CABP4: variants seen among roughly 807,000 people sequenced by gnomAD.
CABP4 encodes calcium-binding protein 4.
Under a neutral mutation model 30.7 loss-of-function variants are expected in CABP4, and 30 were observed. The ratio of observed to expected loss-of-function variants is 0.98; its 90% confidence interval spans 0.73 to 1.33. The LOEUF (loss-of-function observed/expected upper bound fraction) is 1.33, where lower values mean the gene tolerates loss of function less well. Among genes scored for constraint, CABP4 ranks in the 40% most tolerant of loss-of-function variants. The pLI is 0.00. For missense variants in CABP4, 424 were observed against 395.5 expected (o/e 1.07, Z -0.61); for synonymous variants, 161 against 159.2 (o/e 1.01, Z -0.08).
upstream of CABP4, chr11:67,452,712 T>A: frequency 6.4e-7 from 1 of 1,571,260 alleles, no homozygotes; most frequent in Non-Finnish European, 8.7e-7. Flanking sequence ...TCAGCTTCCA[T>A]GGTAGTGTCC....
rs754530364 is a variant in CABP4 at position 67,455,693 on chromosome 11, G to A, written c.270G>A (p.Pro90=). Residue 90 remains proline, a synonymous_variant, in exon 1 of 6, where the codon CCG becomes CCA. Transcript: ENST00000325656. ...GCGCACCCCCTGCATCCCCTGGGCC[G>A]GCCTCTTCTCGCCAGTCCCACCGAC... ...PAGAPPASPG[P]ASSRQSHRHR... is the part of the protein sequence containing the mutation. 22 of 1,607,874 alleles carry A rather than the reference G, an allele frequency of 1.4e-5. 1 individual carries two copies. Among genetic ancestry groups the A allele is most frequent in the Middle Eastern group, 1.6e-4 (1 of 6,074 alleles).
At chr11:67,455,296 T>C, upstream of CABP4, 1 of 1,332,374 alleles carries the variant, frequency 7.5e-7, no homozygotes, top group South Asian at 1.5e-5. Flanking sequence ...TCACTTACCC[T>C]AATCCCCCTC....
At chr11:67,453,935 G>A (rs1335454810), upstream of CABP4, among the ~76,000 whole-genome samples, 2 of 152,092 alleles carry the variant, frequency 1.3e-5, no homozygotes, top group African/African-American at 2.4e-5. Flanking sequence ...CCCCTCCAGC[G>A]AGTGTCACTC....
chr11:67,454,853 C>T (rs1864701281), upstream of CABP4, among the ~76,000 whole-genome samples: 1 of 152,220 alleles, frequency 6.6e-6, no homozygotes, highest in Non-Finnish European at 1.5e-5. Context: ...TTCGAGGCAT[C>T]TGTGATCTGG....
In CABP4 at chr11:67,460,509, T is replaced by TTATA. The variant is rs1554998699; in HGVS notation, c.*1855_*1858dup. On this transcript the variant is annotated 3_prime_UTR_variant, in exon 6 of 6. Transcript: ENST00000325656. ...TTCTGTTAAAAAAATAAAGTATATT[T>TTATA]TATATATACACACACACACACACAC... 8.5e-4 allele frequency among the ~76,000 whole-genome samples: 85 copies of TTATA among 100,078 alleles called. No individual in the cohort carries two copies. The highest frequency in any genetic ancestry group is 5.1e-3 in the African/African-American group (84 of 16,504). The allele number at this position is 100,078 out of a possible 152,430, so 65.7% of individuals were successfully genotyped here.
At chr11:67,454,028 T>G (rs998634160), upstream of CABP4, among the ~76,000 whole-genome samples, 21 of 152,272 alleles carry the variant, frequency 1.4e-4, no homozygotes, top group African/African-American at 4.8e-4. Flanking sequence ...CTGGTGCCTC[T>G]CCAGCATCTT....
intron 5 of CABP4, 46 bp from the exon 6 acceptor site, chr11:67,458,585 G>A: frequency 1.2e-6 from 2 of 1,614,112 alleles, no homozygotes; most frequent in Non-Finnish European, 1.7e-6. Context: ...CACCTCCTGG[G>A]ATCCCTGACG....
rs538665266 is a variant in CABP4 at position 67,461,527 on chromosome 11, C to T, written c.*2868C>T. Among the ~76,000 whole-genome samples, 9 of 152,154 alleles carry T rather than the reference C, an allele frequency of 5.9e-5. No individual in the cohort carries two copies. The highest frequency in any genetic ancestry group is 1.3e-4 in the Non-Finnish European group (9 of 68,034). The stretch of plus-strand genomic sequence containing the variant: ...TATAAAAAGCAAATCTTATAAATAA[C>T]TGGAGAGAAAAGTCAGATTCACGGT... On this transcript the variant is annotated 3_prime_UTR_variant, in exon 6 of 6. Transcript: ENST00000325656.
At chr11:67,454,674 C>A (rs1864693685), upstream of CABP4, among the ~76,000 whole-genome samples, 1 of 152,192 alleles carries the variant, frequency 6.6e-6, no homozygotes, top group African/African-American at 2.4e-5. Flanking sequence ...GCTGGGAAAC[C>A]CTAACCCTGG....
In CABP4 at chr11:67,460,841, T is replaced by C. The variant is rs1864989306; in HGVS notation, c.*2182T>C. 1.3e-5 allele frequency among the ~76,000 whole-genome samples: 2 copies of C among 151,768 alleles called. No individual in the cohort carries two copies. The highest frequency in any genetic ancestry group is 4.8e-5 in the African/African-American group (2 of 41,320). ...ACTAAAAATACAAAAAAAAATTAGC[T>C]GGGCGTGGTGGCGGGCGCCTGTAGT... On this transcript the variant is annotated 3_prime_UTR_variant, in exon 6 of 6. Transcript: ENST00000325656.
In CABP4 at chr11:67,461,539, G is replaced by A. The variant is rs1014545078; in HGVS notation, c.*2880G>A. Among the ~76,000 whole-genome samples the A allele has an allele frequency of 6.6e-6, 1 of 152,184 alleles. No homozygotes were observed. The highest frequency in any genetic ancestry group is 1.5e-5 in the Non-Finnish European group (1 of 68,030). ...ATCTTATAAATAACTGGAGAGAAAA[G>A]TCAGATTCACGGTGTTCTGTCAAAG... On this transcript the variant is annotated 3_prime_UTR_variant, in exon 6 of 6. Transcript: ENST00000325656.
upstream of CABP4, chr11:67,452,649 A>G (rs199732498): frequency 6.2e-7 from 1 of 1,612,962 alleles, no homozygotes; most frequent in Middle Eastern, 1.7e-4. Context: ...CCTTGGGGGT[A>G]GGAGTCCTCA....
At chr11:67,458,559 C>T (rs1167887903) in intron 5 of CABP4, 41 bp downstream of exon 5, 1 of 1,613,982 alleles carries the variant, frequency 6.2e-7, no homozygotes, top group East Asian at 2.2e-5. Flanking sequence ...GCTTCCAGGG[C>T]CTAGGCTGAG....
upstream of CABP4, among the ~76,000 whole-genome samples, chr11:67,455,063 T>C (rs1011485161): frequency 6.6e-6 from 1 of 152,228 alleles, no homozygotes; most frequent in Non-Finnish European, 1.5e-5. Flanking sequence ...TTCTGCGCTC[T>C]AGCATTATTC....
rs149589649 is a variant in CABP4, at chr11:67,456,217, C to T, written c.396C>T (p.Asp132=). 844 of 1,613,504 alleles carry T rather than the reference C, an allele frequency of 5.2e-4. 1 individual carries two copies. In the African/African-American group the frequency reaches 7.0e-3, roughly 13 times the overall value. The change falls in exon 2 of 6, where the codon GAC becomes GAT. Residue 132 remains aspartate, a splice_region_variant and synonymous_variant. Transcript: ENST00000325656. The part of the protein sequence containing the change: ...KDRELGPEEL[D]ELQAAFEEFD... ...GCGAACTGGGCCCCGAGGAGCTAGA[C>T]GGTGAGTGGCTCTTGCTGCTGGCAG...
At chr11:67,457,916 G>A (rs1288771891) in intron 4 of CABP4, among the ~76,000 whole-genome samples, 1 of 152,194 alleles carries the variant, frequency 6.6e-6, no homozygotes, top group African/African-American at 2.4e-5. Flanking sequence ...AGGTGTGCAT[G>A]GGCAGAGATG....
In CABP4 at chr11:67,455,559, AG is replaced by A. The variant is rs773731650; in HGVS notation, c.141del (p.Leu48SerfsTer84). On this transcript the variant is annotated frameshift_variant, in exon 1 of 6. Transcript: ENST00000325656. LOFTEE classifies it high-confidence loss of function. ...GACCAGGAAGAGGAGCAAGAAGGAG[AG>A]GGGGCTCCGAGGGTCTCGAAAGCGC... ...PLTRKRSKKE[R>X]GLRGSRKRTG... The A allele has an allele frequency of 6.2e-7, 1 of 1,602,506 alleles. No individual in the cohort carries two copies. The highest frequency in any genetic ancestry group is 2.2e-5 in the East Asian group (1 of 44,544).
upstream of CABP4, chr11:67,452,704 A>G (rs1638560): frequency 0.027 from 43,056 of 1,580,662 alleles, 9,464 homozygotes; most frequent in African/African-American, 0.49. Flanking sequence ...CACCCAGGTC[A>G]GCTTCCATGG....
At chr11:67,457,140 G>A (rs1207173783) in intron 3 of CABP4, among the ~76,000 whole-genome samples, 9 of 152,196 alleles carry the variant, frequency 5.9e-5, no homozygotes, top group African/African-American at 2.2e-4. Flanking sequence ...TTAGAACTGA[G>A]GCACGGACCA....
Sources: allele counts gnomAD v4.1 joint callset (sites outside exome capture counted in the v4.1 genomes callset), GRCh38; gene constraint gnomAD v4.1.1; transcripts MANE v1.5; gene names NCBI Gene and HGNC (gene_info 2026-07-23, HGNC 2026-07-21).